The following RBFOX1 variants were observed in gnomAD, a reference collection of about 807,000 sequenced individuals.
The protein encoded by RBFOX1 is RNA binding protein fox-1 homolog 1.
Under a neutral mutation model 57.7 loss-of-function variants are expected in RBFOX1, and 8 were observed. The observed-to-expected ratio is 0.14, with a 90% CI of 0.08 to 0.25. The LOEUF is 0.25. Ranked by LOEUF, RBFOX1 falls within the 10% of genes least tolerant of loss-of-function variation. RBFOX1 has a pLI of 1.00. For missense variants in RBFOX1, 611 were observed against 548.5 expected (o/e 1.11, Z -1.14); for synonymous variants, 326 against 222.4 (o/e 1.47, Z -4.15).
At chr16:5,767,478 G>C (rs994828354) in intron 3 of RBFOX1, among the ~76,000 whole-genome samples, 1 of 152,186 alleles carries the variant, frequency 6.6e-6, no homozygotes, top group Non-Finnish European at 1.5e-5. Flanking sequence ...TGGATAGAAA[G>C]GCATGAAGCA....
intron 1 of RBFOX1, among the ~76,000 whole-genome samples, chr16:5,310,447 C>A (rs111949589): frequency 6.6e-6 from 1 of 151,944 alleles, no homozygotes; most frequent in Non-Finnish European, 1.5e-5. Flanking sequence ...ATGTTAGAAT[C>A]CCAGCTTCAA....
intron 14 of RBFOX1, among the ~76,000 whole-genome samples, chr16:7,678,353 A>G (rs548483939): frequency 2.0e-5 from 3 of 152,308 alleles, no homozygotes; most frequent in South Asian, 2.1e-4. Flanking sequence ...AATGATGACA[A>G]TCTTGAAATA....
Position 7,065,832 on chromosome 16 carries a change from C to G in RBFOX1, c.27+13734C>G, listed in dbSNP as rs60130807. Among the ~76,000 whole-genome samples the G allele has an allele frequency of 9.9e-3, 1,514 of 152,234 alleles. 26 individuals carry two copies. Among genetic ancestry groups the G allele is most frequent in the African/African-American group, 0.034 (1,431 of 41,530 alleles). ...CTCCAGCCTCCAAGCCTCTGGTAATCACCATTCTACTCTTGCTTTTATGAG... is the reference window on the plus strand; with the variant it reads ...CTCCAGCCTCCAAGCCTCTGGTAATGACCATTCTACTCTTGCTTTTATGAG... On this transcript the variant is annotated intron_variant, in intron 4 of 15. Coordinates refer to ENST00000550418, the MANE Select transcript of RBFOX1 (RefSeq NM_018723.4).
At chr16:6,813,047 CCAGT>C (rs1387646867) in intron 3 of RBFOX1, among the ~76,000 whole-genome samples, 2 of 151,778 alleles carry the variant, frequency 1.3e-5, no homozygotes, top group Non-Finnish European at 2.9e-5. Context: ...GTCATGGCAA[CCAGT>C]CAAACAATGC....
At chr16:7,490,161 A>C (rs2066549024) in intron 4 of RBFOX1, among the ~76,000 whole-genome samples, 1 of 152,138 alleles carries the variant, frequency 6.6e-6, no homozygotes. Context: ...AGCCATAATA[A>C]ATTGGCAGAA....
intron 4 of RBFOX1, among the ~76,000 whole-genome samples, chr16:7,355,828 C>G (rs866796337): frequency 1.1e-4 from 17 of 152,230 alleles, no homozygotes; most frequent in African/African-American, 4.1e-4. Flanking sequence ...GTGATAATTT[C>G]TTTTCCTTTC....
intron 1 of RBFOX1, among the ~76,000 whole-genome samples, chr16:5,376,259 G>C (rs551713191): frequency 2.6e-4 from 39 of 152,168 alleles, no homozygotes; most frequent in African/African-American, 9.2e-4. Flanking sequence ...GGTGCATTCT[G>C]AGAGCATGCG....
intron 4 of RBFOX1, 61 bp from the exon 5 acceptor site, chr16:7,518,086 G>A: frequency 4.5e-6 from 7 of 1,555,580 alleles, no homozygotes; most frequent in Middle Eastern, 1.7e-4. Flanking sequence ...TGGGAGGAAG[G>A]TTTCTGCATG....
rs547674805 is a variant in RBFOX1, at chr16:7,366,158, C to A, written c.28-151989C>A. On this transcript the variant is annotated intron_variant, in intron 4 of 15. Coordinates refer to ENST00000550418, the MANE Select transcript of RBFOX1 (RefSeq NM_018723.4). ...TGACCCTCTAAACAGTGTATTGAGG[C>A]CTTTCCCAGCAAGACCAGGATGATT... 2.0e-5 allele frequency among the ~76,000 whole-genome samples: 3 copies of A among 152,300 alleles called. No homozygotes were observed. In the East Asian group the frequency reaches 5.8e-4, roughly 29 times the overall value.
chr16:6,018,961 G>A, upstream of RBFOX1: 1 of 445,624 alleles, frequency 2.2e-6, no homozygotes, highest in Non-Finnish European at 3.0e-6. Context: ...AGGGCTGCAC[G>A]CGTGACCGCG....
chr16:5,743,458 A>G (rs889778538), intron 3 of RBFOX1, among the ~76,000 whole-genome samples: 1 of 152,190 alleles, frequency 6.6e-6, no homozygotes, highest in Non-Finnish European at 1.5e-5. Context: ...CATAGTACCT[A>G]CAAGCTGTGC....
intron 3 of RBFOX1, among the ~76,000 whole-genome samples, chr16:6,963,131 A>T (rs1053682759): frequency 5.9e-5 from 9 of 151,368 alleles, no homozygotes; most frequent in Non-Finnish European, 8.8e-5. Flanking sequence ...TGGGTGCAGG[A>T]CTCTTTGGGG....
chr16:5,536,570 C>T lies in RBFOX1; in HGVS notation c.259-62332C>T, dbSNP rs555613790. On this transcript the variant is annotated intron_variant, in intron 2 of 2. Transcript: ENST00000585867. Reference sequence around the variant, plus strand: ...TCTTACTGCACACCACAAAGAAAGCCGATCACTGAGACAATGAGTGTTTCC... The same window carrying T: ...TCTTACTGCACACCACAAAGAAAGCTGATCACTGAGACAATGAGTGTTTCC... 3.9e-5 allele frequency among the ~76,000 whole-genome samples: 6 copies of T among 152,130 alleles called. No individual in the cohort carries two copies. The East Asian group carries it at 7.7e-4, about 20-fold the overall frequency.
chr16:5,626,135 C>T (rs2048345376), intron 3 of RBFOX1, among the ~76,000 whole-genome samples: 2 of 152,226 alleles, frequency 1.3e-5, no homozygotes, highest in African/African-American at 4.8e-5. Flanking sequence ...CCGCCTCGGC[C>T]TCCCAAAGTG....
chr16:7,433,348 A>G (rs2098697094), intron 4 of RBFOX1, among the ~76,000 whole-genome samples: 1 of 152,210 alleles, frequency 6.6e-6, no homozygotes, highest in African/African-American at 2.4e-5. Context: ...TCTCTAAAGG[A>G]AATTCTCACT....
At chr16:6,590,150 A>G (rs73541314) in intron 2 of RBFOX1, among the ~76,000 whole-genome samples, 5 of 152,178 alleles carry the variant, frequency 3.3e-5, no homozygotes, top group Non-Finnish European at 1.5e-5. Context: ...CTCAGAATGG[A>G]GTATGGGGAA....
Position 7,663,348 on chromosome 16 carries a change from A to G in RBFOX1, c.891-1581A>G, listed in dbSNP as rs542809444. On this transcript the variant is annotated intron_variant, in intron 12 of 15. Transcript: ENST00000550418. ...CAAATATGAACAACAGCTGAAAGCT[A>G]TTCCTACCAACCTCCTTAGTGTGTG... Among the ~76,000 whole-genome samples, 5 of 152,306 alleles carry G rather than the reference A, an allele frequency of 3.3e-5. No homozygotes were observed. In the South Asian group the frequency reaches 1.0e-3, roughly 32 times the overall value.
intron 3 of RBFOX1, among the ~76,000 whole-genome samples, chr16:6,909,722 A>G (rs2071066131): frequency 6.6e-6 from 1 of 152,194 alleles, no homozygotes; most frequent in Non-Finnish European, 1.5e-5. Context: ...CGTGGCAGTC[A>G]CAATGACTGT....
intron 4 of RBFOX1, among the ~76,000 whole-genome samples, chr16:5,882,610 A>T (rs558961104): frequency 6.6e-6 from 1 of 152,140 alleles, no homozygotes; most frequent in Non-Finnish European, 1.5e-5. Flanking sequence ...CAAGAGTGAA[A>T]CTAGGGGTTC....
Sources: gnomAD v4.1 joint callset for allele counts (sites outside exome capture counted in the v4.1 genomes callset) on GRCh38, gnomAD v4.1.1 for gene constraint, MANE v1.5 for transcripts, NCBI Gene and HGNC (gene_info 2026-07-23, HGNC 2026-07-21) for gene names.